PRRT2: variants seen among roughly 807,000 people sequenced by gnomAD.
The protein encoded by PRRT2 is proline rich transmembrane protein 2, also known as proline-rich transmembrane protein 2.
PRRT2 carries 9 observed loss-of-function variants against 24.7 expected under a neutral mutation model. That is an observed-to-expected ratio of 0.36 (90% confidence interval 0.22 to 0.64). The LOEUF (loss-of-function observed/expected upper bound fraction) is 0.64, where lower values mean the gene tolerates loss of function less well. Among genes scored for constraint, PRRT2 ranks in the 30% least tolerant of loss-of-function variants. The pLI, the probability that PRRT2 is intolerant of heterozygous loss-of-function variation, is 0.65. For synonymous variants in PRRT2, 195 were observed against 175.5 expected, an observed-to-expected ratio of 1.11 and a Z score of -0.88; for missense variants, 460 against 435.0, an observed-to-expected ratio of 1.06 and a Z score of -0.51.
rs1900071553 is a variant in PRRT2, at chr16:29,813,298, G to A, written c.244G>A (p.Ala82Thr). The change falls in exon 2 of 4, where the codon GCC (alanine) becomes ACC (threonine). Residue 82 changes from alanine to threonine, a missense_variant. Ala to Thr is a moderately conservative substitution (Grantham distance 58). This residue lies in a region of PRRT2 where 378 missense variants were observed against 324.6 expected (regional missense o/e 1.16). Coordinates refer to ENST00000358758, the MANE Select transcript of PRRT2 (RefSeq NM_145239.3). ...GACCCCGGCTGGGGCCTCAGAAACAGCCCAGGCCACAGACCTCAGCTTAAG... is the reference window on the plus strand; with the variant it reads ...GACCCCGGCTGGGGCCTCAGAAACAACCCAGGCCACAGACCTCAGCTTAAG... ...TETPAGASETAQATDLSLSPG... is the reference protein window; with the variant it reads ...TETPAGASETTQATDLSLSPG... 1 of 1,613,938 alleles carries A rather than the reference G, an allele frequency of 6.2e-7. No homozygotes were observed. Among genetic ancestry groups the A allele is most frequent in the Non-Finnish European group, 8.5e-7 (1 of 1,180,010 alleles).
In PRRT2 at chr16:29,814,183, TC is replaced by T. The variant is rs1284883915; in HGVS notation, c.880-145del. On this transcript the variant is annotated intron_variant, in intron 2 of 3. Coordinates refer to ENST00000358758, the MANE Select transcript of PRRT2 (RefSeq NM_145239.3). This position sits in a 1 kb window ranked among gnomAD's most constrained non-coding sequence, Gnocchi z 4.1. ...ACAGCCTCGCTGACCTGTGCCCTCC[TC>T]CCCCTGCCCCTTCACTCCTCCTTCC... is the stretch of plus-strand genomic sequence containing the variant. 1.3e-6 allele frequency: 2 copies of T among 1,492,532 alleles called. No homozygotes were observed. Among genetic ancestry groups the T allele is most frequent in the Non-Finnish European group, 1.8e-6 (2 of 1,130,394 alleles). The allele number at this position is 1,492,532 out of a possible 1,614,324, so 92.5% of individuals were successfully genotyped here.
In PRRT2 at chr16:29,812,257, C is replaced by A. The variant is rs749926303; in HGVS notation, c.-132C>A. ...CCTCCCTCCCTAGCTGACTTGCTCCCTCCCGGGCTGCGGCTGCTGCAAAAG... is the reference window on the plus strand; with the variant it reads ...CCTCCCTCCCTAGCTGACTTGCTCCATCCCGGGCTGCGGCTGCTGCAAAAG... On this transcript the variant is annotated 5_prime_UTR_variant, in exon 1 of 4. Coordinates refer to ENST00000358758, the MANE Select transcript of PRRT2 (RefSeq NM_145239.3). 4.1e-4 allele frequency: 65 copies of A among 158,080 alleles called. No homozygotes were observed. Among genetic ancestry groups the A allele is most frequent in the Non-Finnish European group, 6.3e-4 (45 of 71,438 alleles). 9.8% of individuals were successfully genotyped at this position (158,080 alleles called of 1,614,324 possible).
Position 29,813,644 on chromosome 16 carries a change from C to T in PRRT2, c.590C>T (p.Ala197Val). ...GCTGGTGATGGGGAAGAGGGCCCAGCCCCTGAGCCTCACTCACCACCCTCA... is the reference window on the plus strand; with the variant it reads ...GCTGGTGATGGGGAAGAGGGCCCAGTCCCTGAGCCTCACTCACCACCCTCA... ...LQAGDGEEGP[A>V]PEPHSPPSKK... Residue 197 changes from alanine to valine, a missense_variant, in exon 2 of 4, where the codon GCC becomes GTC. Coordinates refer to ENST00000358758, the MANE Select transcript of PRRT2 (RefSeq NM_145239.3). 1.2e-6 allele frequency: 2 copies of T among 1,612,652 alleles called. No individual in the cohort carries two copies. Among genetic ancestry groups the T allele is most frequent in the Non-Finnish European group, 1.7e-6 (2 of 1,179,340 alleles).
At position 29,813,816 on chromosome 16, in the gene PRRT2, T is replaced by TGGGGTGGAGG; in HGVS notation, c.769_778dup (p.Glu260GlyfsTer4). 1 of 1,613,412 alleles carries TGGGGTGGAGG rather than the reference T, an allele frequency of 6.2e-7. No homozygotes were observed. Among genetic ancestry groups the TGGGGTGGAGG allele is most frequent in the Non-Finnish European group, 8.5e-7 (1 of 1,179,650 alleles). On this transcript the variant is annotated frameshift_variant, in exon 2 of 4. Transcript: ENST00000358758. LOFTEE classifies it high-confidence loss of function. ...ACCCCAGCTCCCAGTTGGCAGGTCC[T>TGGGGTGGAGG]GGGGTGGAGGGGGGTGAAGGCACCC...
chr16:29,813,703 C>A lies in PRRT2; in HGVS notation c.649C>A (p.Arg217=), dbSNP rs77838305. 4 of 1,578,562 alleles carry A rather than the reference C, an allele frequency of 2.5e-6. No homozygotes were observed. The South Asian group carries it at 3.5e-5, about 14-fold the overall frequency. ...CCCCCCAGCCAATGGGGCCCCCCCCCGAGTGCTGCAGCAGCTGGTTGAGGA... is the reference window on the plus strand; with the variant it reads ...CCCCCCAGCCAATGGGGCCCCCCCCAGAGTGCTGCAGCAGCTGGTTGAGGA... ...KSPPANGAPP[R]VLQQLVEEDR... is the part of the protein sequence containing the mutation. Residue 217 remains arginine, a synonymous_variant, in exon 2 of 4, where the codon CGA becomes AGA. Transcript: ENST00000358758.
rs1900051797 is a variant in PRRT2 at position 29,812,974 on chromosome 16, T to C, written c.-65-16T>C. 6 of 1,463,244 alleles carry C rather than the reference T, an allele frequency of 4.1e-6. No homozygotes were observed. The South Asian group carries it at 6.7e-5, about 16-fold the overall frequency. 90.6% of individuals were successfully genotyped at this position (1,463,244 alleles called of 1,614,324 possible). On this transcript the variant is annotated splice_polypyrimidine_tract_variant and intron_variant, in intron 1 of 3. Coordinates refer to ENST00000358758, the MANE Select transcript of PRRT2 (RefSeq NM_145239.3). ...CTCTTCCCTCCTCACCCCAAGCCTA[T>C]CTCCTCCTCTTCCAGGGTTTGCCGC... is the stretch of plus-strand genomic sequence containing the variant.
In PRRT2 at chr16:29,814,904, T is replaced by A; in HGVS notation, c.*266T>A. The A allele has an allele frequency of 2.1e-6, 1 of 482,848 alleles. No individual in the cohort carries two copies. Among genetic ancestry groups the A allele is most frequent in the Non-Finnish European group, 3.6e-6 (1 of 274,278 alleles). 29.9% of individuals were successfully genotyped at this position (482,848 alleles called of 1,614,324 possible). A position where few individuals can be genotyped will look rare whatever the true frequency, so the allele number is the denominator to read the frequency against. On this transcript the variant is annotated 3_prime_UTR_variant, in exon 4 of 4. Transcript: ENST00000358758. This position sits in a 1 kb window ranked among gnomAD's most constrained non-coding sequence, Gnocchi z 4.1. ...CTCCGGCCTCTTGGCCCCCTATCCC[T>A]GCACTTCTGGAAACCTCCCTGCACT...
Position 29,814,408 on chromosome 16 carries a change from G to T in PRRT2, c.955G>T (p.Val319Leu), listed in dbSNP as rs945627261. The part of the protein sequence containing the change: ...LGRVAKLLSI[V>L]ALVGGVLIII... ...CCGGGTAGCCAAGCTCTTAAGCATC[G>T]TGGCGCTGGTGGGGGGAGTCCTCAT... Residue 319 changes from valine (V) to leucine (L), a missense_variant, in exon 3 of 4, where the codon GTG becomes TTG. This residue lies in a region of PRRT2 where 64 missense variants were observed against 71.2 expected (regional missense o/e 0.90). Transcript: ENST00000358758. The surrounding 1 kb of genome is among the most constrained non-coding windows in gnomAD (Gnocchi z 4.1). 15 of 1,609,314 alleles carry T rather than the reference G, an allele frequency of 9.3e-6. No individual in the cohort carries two copies. Among genetic ancestry groups the T allele is most frequent in the East Asian group, 4.5e-5 (2 of 44,856 alleles).
chr16:29,813,139 G>A lies in PRRT2; in HGVS notation c.85G>A (p.Glu29Lys), dbSNP rs1555502574. 13 of 1,613,924 alleles carry A rather than the reference G, an allele frequency of 8.1e-6. No homozygotes were observed. The highest frequency in any genetic ancestry group is 3.3e-4 in the Middle Eastern group (2 of 6,078). Residue 29 changes from glutamate to lysine, a missense_variant, in exon 2 of 4, where the codon GAA becomes AAA. This residue lies in a region of PRRT2 where 378 missense variants were observed against 324.6 expected (regional missense o/e 1.16). Coordinates refer to ENST00000358758, the MANE Select transcript of PRRT2 (RefSeq NM_145239.3). ...KVPGEGPGHS[E>K]AETGPPQVLA... ...TCCAGGCGAAGGGCCTGGCCATTCT[G>A]AAGCTGAAACTGGCCCTCCCCAGGT...
rs994569335 is a variant in PRRT2, at chr16:29,814,581, C to T, written c.1013-47C>T. The T allele has an allele frequency of 6.2e-7, 1 of 1,609,898 alleles. No homozygotes were observed. The highest frequency in any genetic ancestry group is 2.2e-5 in the East Asian group (1 of 44,802). On this transcript the variant is annotated intron_variant, in intron 3 of 3. Transcript: ENST00000358758. This position sits in a 1 kb window ranked among gnomAD's most constrained non-coding sequence, Gnocchi z 4.1. ...CCTCCTTACCTCTCCTTTGTCTCTC[C>T]TTGTCTCCCCCTCCCCCCGTCTGTC... is the stretch of plus-strand genomic sequence containing the variant.
rs773862044 is a variant in PRRT2 at position 29,814,357 on chromosome 16, G to T, written c.904G>T (p.Asp302Tyr). ...GTCCCGGAACAGCCTGCAGCAGGGG[G>T]ACGTGGACGGGGCCCAGCGTCTGGG... ...VMSRNSLQQG[D>Y]VDGAQRLGRV... Residue 302 changes from aspartate to tyrosine, a missense_variant, in exon 3 of 4, where the codon GAC (aspartate) becomes TAC (tyrosine). By Grantham distance (160) the Asp-to-Tyr change is radical (BLOSUM62 -3). Around this residue, in one of 3 missense-constraint regions of PRRT2, gnomAD observed 64 missense variants for 71.2 expected, o/e 0.90. Transcript: ENST00000358758. The surrounding 1 kb of genome is among the most constrained non-coding windows in gnomAD (Gnocchi z 4.1). 6.2e-7 allele frequency: 1 copy of T among 1,607,282 alleles called. No homozygotes were observed. Among genetic ancestry groups the T allele is most frequent in the South Asian group, 1.1e-5 (1 of 90,778 alleles).
rs770599131 is a variant in PRRT2 at position 29,813,601 on chromosome 16, G to T, written c.547G>T (p.Ala183Ser). 2 of 1,613,472 alleles carry T rather than the reference G, an allele frequency of 1.2e-6. No individual in the cohort carries two copies. The highest frequency in any genetic ancestry group is 1.7e-6 in the Non-Finnish European group (2 of 1,179,720). The change falls in exon 2 of 4, where the codon GCA (alanine) becomes TCA (serine). Residue 183 changes from alanine (A) to serine (S), a missense_variant. Physicochemically the swap from Ala to Ser is moderately conservative, Grantham distance 99. Coordinates refer to ENST00000358758, the MANE Select transcript of PRRT2 (RefSeq NM_145239.3). ...ESVGEKQENG[A>S]VVPLQAGDGE... is the part of the protein sequence containing the mutation. ...TGTAGGGGAAAAGCAAGAGAATGGG[G>T]CAGTGGTGCCCCTGCAGGCTGGTGA...
In PRRT2 at chr16:29,814,711, G is replaced by C; in HGVS notation, c.*73G>C. On this transcript the variant is annotated 3_prime_UTR_variant, in exon 4 of 4. Coordinates refer to ENST00000358758, the MANE Select transcript of PRRT2 (RefSeq NM_145239.3). The surrounding 1 kb of genome is among the most constrained non-coding windows in gnomAD (Gnocchi z 4.1). ...CTTGGGCCCATCCCTCCCCTGGGGG[G>C]AGCCCAACTGATGGCCCTGGCCCCC... 1 of 1,520,670 alleles carries C rather than the reference G, an allele frequency of 6.6e-7. No individual in the cohort carries two copies. The highest frequency in any genetic ancestry group is 8.8e-7 in the Non-Finnish European group (1 of 1,133,572). 94.2% of individuals were successfully genotyped at this position (1,520,670 alleles called of 1,614,324 possible).
Position 29,814,835 on chromosome 16 carries a change from T to C in PRRT2, c.*197T>C. ...CTCTGCCAACTGTAGGCCTGCCTCA[T>C]CCCTGCACTGGTTCCAACCTCCCTG... On this transcript the variant is annotated 3_prime_UTR_variant, in exon 4 of 4. Coordinates refer to ENST00000358758, the MANE Select transcript of PRRT2 (RefSeq NM_145239.3). The surrounding 1 kb of genome is among the most constrained non-coding windows in gnomAD (Gnocchi z 4.1). 1 of 595,066 alleles carries C rather than the reference T, an allele frequency of 1.7e-6. No homozygotes were observed. The highest frequency in any genetic ancestry group is 2.9e-6 in the Non-Finnish European group (1 of 343,542). The allele number at this position is 595,066 out of a possible 1,614,324, so 36.9% of individuals were successfully genotyped here. A position where few individuals can be genotyped will look rare whatever the true frequency, so the allele number is the denominator to read the frequency against.
chr16:29,813,849 T>A lies in PRRT2; in HGVS notation c.795T>A (p.Pro265=). The A allele has an allele frequency of 6.2e-7, 1 of 1,613,626 alleles. No homozygotes were observed. Among genetic ancestry groups the A allele is most frequent in the Non-Finnish European group, 8.5e-7 (1 of 1,179,782 alleles). ...AGGGGGGTGAAGGCACCCAGAAACC[T>A]CGGGACTACATCATCCTTGCCATCC... ...GVEGGEGTQK[P]RDYIILAILS... Residue 265 remains proline (P), a synonymous_variant, in exon 2 of 4, where the codon CCT becomes CCA. Coordinates refer to ENST00000358758, the MANE Select transcript of PRRT2 (RefSeq NM_145239.3).
At position 29,813,930 on chromosome 16, in the gene PRRT2, C is replaced by G. The variant is rs1900117749; in HGVS notation, c.876C>G (p.Val292=). ...PVNIVAFAYA[V]MSRNSLQQGD... ...ACATCGTGGCCTTCGCTTATGCTGT[C>G]ATGGTGAGCCCCATGGGACCCTAGC... is the stretch of plus-strand genomic sequence containing the variant. The change falls in exon 2 of 4, where the codon GTC becomes GTG. Residue 292 remains valine (V), a synonymous_variant. Transcript: ENST00000358758. 1 of 1,586,038 alleles carries G rather than the reference C, an allele frequency of 6.3e-7. No homozygotes were observed. Among genetic ancestry groups the G allele is most frequent in the South Asian group, 1.2e-5 (1 of 86,434 alleles).
chr16:29,814,293 G>A lies in PRRT2; in HGVS notation c.880-40G>A. The A allele has an allele frequency of 1.9e-6, 3 of 1,551,108 alleles. No individual in the cohort carries two copies. Among genetic ancestry groups the A allele is most frequent in the Non-Finnish European group, 2.6e-6 (3 of 1,158,192 alleles). ...GATCCCTTCTGGGCTGGCTTCTCCT[G>A]ACCCCGGCTATGTGCCTCCACCCCT... is the stretch of plus-strand genomic sequence containing the variant. On this transcript the variant is annotated intron_variant, in intron 2 of 3. Coordinates refer to ENST00000358758, the MANE Select transcript of PRRT2 (RefSeq NM_145239.3). The surrounding 1 kb of genome is among the most constrained non-coding windows in gnomAD (Gnocchi z 4.1).
rs1474045415 is a variant in PRRT2, at chr16:29,813,206, G to C, written c.152G>C (p.Gly51Ala). Residue 51 changes from glycine (G) to alanine (A), a missense_variant, in exon 2 of 4, where the codon GGT becomes GCT. This residue lies in a region of PRRT2 where 378 missense variants were observed against 324.6 expected (regional missense o/e 1.16). Coordinates refer to ENST00000358758, the MANE Select transcript of PRRT2 (RefSeq NM_145239.3). ...VPDQPEAPQP[G>A]PNTTAAPVDS... Reference sequence around the variant, plus strand: ...GACCAGCCAGAGGCCCCGCAGCCAGGTCCAAACACCACTGCGGCCCCTGTG... The same window carrying C: ...GACCAGCCAGAGGCCCCGCAGCCAGCTCCAAACACCACTGCGGCCCCTGTG... 1 of 1,613,834 alleles carries C rather than the reference G, an allele frequency of 6.2e-7. No homozygotes were observed. Among genetic ancestry groups the C allele is most frequent in the Admixed American group, 1.7e-5 (1 of 60,000 alleles).
At position 29,814,151 on chromosome 16, in the gene PRRT2, G is replaced by A. The variant is rs777844708; in HGVS notation, c.880-182G>A. On this transcript the variant is annotated intron_variant, in intron 2 of 3. Transcript: ENST00000358758. The surrounding 1 kb of genome is among the most constrained non-coding windows in gnomAD (Gnocchi z 4.1). ...TTGGGTGGGAGGGATATGGAAACAC[G>A]TGTCACACAGCCTCGCTGACCTGTG... 7.5e-5 allele frequency: 112 copies of A among 1,488,124 alleles called. No individual in the cohort carries two copies. The highest frequency in any genetic ancestry group is 1.5e-4 in the South Asian group (11 of 72,928). 92.2% of individuals were successfully genotyped at this position (1,488,124 alleles called of 1,614,324 possible). A position where few individuals can be genotyped will look rare whatever the true frequency, so the allele number is the denominator to read the frequency against.
Sources: allele counts gnomAD v4.1 joint callset, GRCh38; gene constraint gnomAD v4.1.1; regional missense constraint gnomAD v4.1.1; non-coding constraint Gnocchi (gnomAD v3.1); transcripts MANE v1.5; gene names NCBI Gene and HGNC (gene_info 2026-07-23, HGNC 2026-07-21).